Variants in KIAA1328 observed in about 807,000 individuals in gnomAD.
KIAA1328 encodes the protein protein hinderin.
Under a neutral mutation model 68.1 loss-of-function variants are expected in KIAA1328, and 52 were observed. The ratio of observed to expected loss-of-function variants is 0.76; its 90% confidence interval spans 0.61 to 0.96. The LOEUF (loss-of-function observed/expected upper bound fraction) is 0.96. KIAA1328 is among the 40% of genes least tolerant of loss of function. The pLI is 0.00. For missense variants in KIAA1328, 641 were observed against 677.6 expected (o/e 0.95, Z 0.60); for synonymous variants, 232 against 239.4 (o/e 0.97, Z 0.28).
intron 5 of KIAA1328, among the ~76,000 whole-genome samples, chr18:36,917,250 G>GTT (rs978693586): frequency 1.3e-5 from 2 of 151,740 alleles, no homozygotes; most frequent in Admixed American, 6.6e-5. Context: ...CTCTGAAGAG[G>GTT]TTTTTTTTGT....
chr18:37,015,353 C>G (rs961967023), intron 6 of KIAA1328, among the ~76,000 whole-genome samples: 24 of 152,152 alleles, frequency 1.6e-4, no homozygotes, highest in African/African-American at 5.6e-4. Context: ...TTCCATTGGT[C>G]TACGTGTCTG....
Position 37,046,960 on chromosome 18 carries a change from A to G in KIAA1328, c.577-19930A>G, listed in dbSNP as rs577106936. On this transcript the variant is annotated intron_variant, in intron 6 of 9. Transcript: ENST00000280020. ...GGCATGGCCAACACAGTGAAACCCC[A>G]TCTCTACTAAAAATACAAAAAATTA... 1.0e-3 allele frequency among the ~76,000 whole-genome samples: 159 copies of G among 152,254 alleles called. 2 individuals carry two copies. Among genetic ancestry groups the G allele is most frequent in the African/African-American group, 3.8e-3 (157 of 41,574 alleles).
intron 6 of KIAA1328, among the ~76,000 whole-genome samples, chr18:37,009,041 C>T (rs2053884101): frequency 6.6e-6 from 1 of 152,144 alleles, no homozygotes; most frequent in South Asian, 2.1e-4. Flanking sequence ...TGCAAAGTGT[C>T]CTCTTGAAAA....
At chr18:37,098,224 T>C (rs918710118) in intron 7 of KIAA1328, among the ~76,000 whole-genome samples, 20 of 152,252 alleles carry the variant, frequency 1.3e-4, no homozygotes, top group Admixed American at 8.5e-4. Flanking sequence ...CATAGATAGC[T>C]CTTATTATTT....
chr18:37,110,856 G>A (rs1357833627), intron 7 of KIAA1328, among the ~76,000 whole-genome samples: 2 of 152,182 alleles, frequency 1.3e-5, no homozygotes, highest in Admixed American at 6.5e-5. Context: ...ACATATGAAA[G>A]AGTGCTAATT....
At chr18:36,950,317 G>A (rs2051107806) in intron 5 of KIAA1328, among the ~76,000 whole-genome samples, 1 of 152,186 alleles carries the variant, frequency 6.6e-6, no homozygotes, top group South Asian at 2.1e-4. Context: ...AGGCCACATT[G>A]TCTATTTATG....
intron 6 of KIAA1328, among the ~76,000 whole-genome samples, chr18:36,964,772 T>A (rs1157709018): frequency 2.0e-5 from 3 of 152,164 alleles, no homozygotes; most frequent in Non-Finnish European, 4.4e-5. Context: ...TTATCTTATC[T>A]TAATAAATAG....
intron 5 of KIAA1328, among the ~76,000 whole-genome samples, chr18:36,901,400 A>G (rs2049034007): frequency 6.6e-6 from 1 of 152,096 alleles, no homozygotes; most frequent in South Asian, 2.1e-4. Flanking sequence ...TTGGAGCACT[A>G]TCAGCTTGTC....
intron 5 of KIAA1328, among the ~76,000 whole-genome samples, chr18:36,886,703 C>CA (rs1343093259): frequency 1.3e-5 from 2 of 152,178 alleles, no homozygotes; most frequent in East Asian, 3.9e-4. Flanking sequence ...ATGGATCTGC[C>CA]AGCTAAACTA....
At chr18:36,832,244 G>C (rs2046517320) in intron 1 of KIAA1328, among the ~76,000 whole-genome samples, 1 of 152,118 alleles carries the variant, frequency 6.6e-6, no homozygotes, top group African/African-American at 2.4e-5. Flanking sequence ...AGTTTGTTTA[G>C]AGTTTTATAT....
At chr18:37,182,323 G>C (rs1045720181) in intron 9 of KIAA1328, among the ~76,000 whole-genome samples, 15 of 152,050 alleles carry the variant, frequency 9.9e-5, no homozygotes, top group African/African-American at 3.6e-4. Flanking sequence ...AGCTCCAAGA[G>C]ACAATTACAG....
At chr18:36,867,032 T>C (rs2047776900) in intron 4 of KIAA1328, among the ~76,000 whole-genome samples, 1 of 152,186 alleles carries the variant, frequency 6.6e-6, no homozygotes, top group South Asian at 2.1e-4. Context: ...ACACAACATA[T>C]AAAACAAATA....
chr18:37,127,052 A>C (rs190828618), intron 7 of KIAA1328, among the ~76,000 whole-genome samples: 1 of 152,306 alleles, frequency 6.6e-6, no homozygotes, highest in African/African-American at 2.4e-5. Context: ...ATTGACTTCT[A>C]TTCGGCATTG....
At chr18:37,132,622 A>G (rs572992247) in intron 7 of KIAA1328, among the ~76,000 whole-genome samples, 11 of 152,366 alleles carry the variant, frequency 7.2e-5, no homozygotes, top group Admixed American at 5.2e-4. Flanking sequence ...GGTAAATTAC[A>G]TAGTCTGATT....
intron 7 of KIAA1328, among the ~76,000 whole-genome samples, chr18:37,122,649 T>C (rs1004484381): frequency 6.8e-6 from 1 of 147,538 alleles, no homozygotes; most frequent in African/African-American, 2.7e-5. Context: ...AGGACAACTA[T>C]GTTGCAGTTG....
At chr18:36,897,372 G>A (rs966241439) in intron 5 of KIAA1328, among the ~76,000 whole-genome samples, 10 of 151,986 alleles carry the variant, frequency 6.6e-5, no homozygotes, top group Admixed American at 2.0e-4. Context: ...AATTAAACCG[G>A]TCAGTTTTTC....
At chr18:36,855,363 T>C (rs1253392705) in intron 4 of KIAA1328, among the ~76,000 whole-genome samples, 2 of 152,336 alleles carry the variant, frequency 1.3e-5, no homozygotes, top group African/African-American at 4.8e-5. Flanking sequence ...ATTTAAATGA[T>C]ATCTTATTGC....
chr18:37,066,856 C>T lies in KIAA1328; in HGVS notation c.577-34C>T, dbSNP rs530964901. The stretch of plus-strand genomic sequence containing the variant: ...ACGAAAGAACTTGTTTTGTTGTGTT[C>T]TTATTTGACAGGTGATCTTGTGGTT... On this transcript the variant is annotated intron_variant, in intron 6 of 9. Transcript: ENST00000280020. 10 of 1,505,562 alleles carry T rather than the reference C, an allele frequency of 6.6e-6. No individual in the cohort carries two copies. The East Asian group carries it at 9.3e-5, about 14-fold the overall frequency. 93.3% of individuals were successfully genotyped at this position (1,505,562 alleles called of 1,614,324 possible). A position where few individuals can be genotyped will look rare whatever the true frequency, so the allele number is the denominator to read the frequency against.
At chr18:37,159,739 G>C (rs991476590) in intron 7 of KIAA1328, among the ~76,000 whole-genome samples, 1 of 152,038 alleles carries the variant, frequency 6.6e-6, no homozygotes, top group Non-Finnish European at 1.5e-5. Flanking sequence ...TACTCCTTAC[G>C]TACTCTGGGT....
Sources: allele counts gnomAD v4.1 joint callset (sites outside exome capture counted in the v4.1 genomes callset), GRCh38; gene constraint gnomAD v4.1.1; transcripts MANE v1.5; gene names NCBI Gene and HGNC (gene_info 2026-07-23, HGNC 2026-07-21).